The following SPAG16 variants were observed in gnomAD, a reference collection of about 807,000 sequenced individuals.
SPAG16 encodes sperm-associated antigen 16 protein.
Under a neutral mutation model 80.4 loss-of-function variants are expected in SPAG16, and 86 were observed. That is an observed-to-expected ratio of 1.07 (90% CI 0.90 to 1.28). The LOEUF (loss-of-function observed/expected upper bound fraction) is 1.28. Among genes scored for constraint, SPAG16 ranks in the 50% most tolerant of loss-of-function variants. The pLI is 0.00. For synonymous variants in SPAG16, 294 were observed against 265.9 expected, an observed-to-expected ratio of 1.11 and a Z score of -1.03; for missense variants, 870 against 765.3, an observed-to-expected ratio of 1.14 and a Z score of -1.61.
At chr2:213,843,677 C>T (rs963140627) in intron 10 of SPAG16, among the ~76,000 whole-genome samples, 2 of 151,542 alleles carry the variant, frequency 1.3e-5, no homozygotes, top group East Asian at 1.9e-4. Context: ...ATGGTGCAAA[C>T]GCGTCTCTAC....
chr2:213,700,041 T>A (rs2065337032), intron 10 of SPAG16, among the ~76,000 whole-genome samples: 1 of 152,234 alleles, frequency 6.6e-6, no homozygotes, highest in African/African-American at 2.4e-5. Flanking sequence ...TATCTATCTG[T>A]CATGATTACA....
At chr2:214,371,366 C>T (rs543603645) in intron 15 of SPAG16, among the ~76,000 whole-genome samples, 6 of 151,834 alleles carry the variant, frequency 4.0e-5, no homozygotes, top group African/African-American at 1.4e-4. Context: ...AATCCCATCT[C>T]TACTAAAAAT....
chr2:214,261,428 T>A (rs906913913), intron 15 of SPAG16, among the ~76,000 whole-genome samples: 1 of 152,174 alleles, frequency 6.6e-6, no homozygotes, highest in Non-Finnish European at 1.5e-5. Flanking sequence ...AAACTGTTTA[T>A]ACTCTTAGTC....
chr2:214,305,414 T>G lies in SPAG16; in HGVS notation c.1721-104726T>G, dbSNP rs1474322695. ...GTCAACTTTTTCATTTTGTTGCAAT[T>G]GCTTTTGGTGTCTTCATCATGAAAT... On this transcript the variant is annotated intron_variant, in intron 15 of 15. Transcript: ENST00000331683. Among the ~76,000 whole-genome samples, 3 of 152,222 alleles carry G rather than the reference T, an allele frequency of 2.0e-5. No individual in the cohort carries two copies. The East Asian group carries it at 5.8e-4, about 29-fold the overall frequency.
Position 213,844,382 on chromosome 2 carries a change from G to A in SPAG16, c.1071-18103G>A, listed in dbSNP as rs944447603. Among the ~76,000 whole-genome samples the A allele has an allele frequency of 4.1e-4, 63 of 152,252 alleles. 1 individual carries two copies. The highest frequency in any genetic ancestry group is 1.4e-3 in the African/African-American group (60 of 41,542). On this transcript the variant is annotated intron_variant, in intron 10 of 15. Transcript: ENST00000331683. ...AAAAGGGACTATAATTGATAGAAAG[G>A]AAGAAAAACAGTGATTTCGGTTATC...
intron 5 of SPAG16, among the ~76,000 whole-genome samples, chr2:213,339,577 GTAT>G (rs1051249350): frequency 2.6e-5 from 4 of 152,098 alleles, no homozygotes; most frequent in Non-Finnish European, 5.9e-5. Context: ...AAATTTTTCT[GTAT>G]TACAGCACTG....
intron 10 of SPAG16, among the ~76,000 whole-genome samples, chr2:213,677,642 G>T (rs12694309): frequency 0.32 from 48,121 of 151,832 alleles, 7,870 homozygotes; most frequent in Middle Eastern, 0.41. Context: ...TCTACAAAGA[G>T]AATTAGACTC....
intron 15 of SPAG16, among the ~76,000 whole-genome samples, chr2:214,284,767 C>T (rs901889026): frequency 6.6e-6 from 1 of 151,598 alleles, no homozygotes; most frequent in Non-Finnish European, 1.5e-5. Context: ...ATCCAATAAA[C>T]TCATTTTTAA....
chr2:213,892,958 A>G (rs918340272), intron 11 of SPAG16, among the ~76,000 whole-genome samples: 1 of 152,184 alleles, frequency 6.6e-6, no homozygotes, highest in East Asian at 1.9e-4. Flanking sequence ...CCAAGCACAC[A>G]TAGGCGAACA....
At chr2:213,976,236 G>T (rs972880295) in intron 12 of SPAG16, among the ~76,000 whole-genome samples, 2 of 149,482 alleles carry the variant, frequency 1.3e-5, no homozygotes, top group Non-Finnish European at 3.0e-5. Context: ...ATATATACAC[G>T]TGTGTATACA....
chr2:214,178,011 A>ATT (rs1553520016), intron 15 of SPAG16, among the ~76,000 whole-genome samples: 6 of 45,854 alleles, frequency 1.3e-4, no homozygotes, highest in African/African-American at 2.6e-4. Context: ...ATATATATAT[A>ATT]TTCATACTTT....
intron 10 of SPAG16, among the ~76,000 whole-genome samples, chr2:213,567,479 G>T (rs1198778193): frequency 1.7e-5 from 2 of 114,810 alleles, no homozygotes; most frequent in South Asian, 3.1e-4. Context: ...GAGAATATGC[G>T]GTGTTTGGTT....
At position 213,893,601 on chromosome 2, in the gene SPAG16, A is replaced by G. The variant is rs771991472; in HGVS notation, c.1214+30973A>G. 1.2e-4 allele frequency among the ~76,000 whole-genome samples: 18 copies of G among 152,148 alleles called. 1 individual carries two copies. The highest frequency in any genetic ancestry group is 7.4e-5 in the Non-Finnish European group (5 of 68,002). ...TGTGTGTTGTGGGGATGGAGTTAAAATGCAGATTTTTCCTGTTTTTTTTCT... is the reference window on the plus strand; with the variant it reads ...TGTGTGTTGTGGGGATGGAGTTAAAGTGCAGATTTTTCCTGTTTTTTTTCT... On this transcript the variant is annotated intron_variant, in intron 11 of 15. Transcript: ENST00000331683.
At chr2:214,241,158 G>C (rs1178811681) in intron 15 of SPAG16, 1 of 152,056 alleles carries the variant, frequency 6.6e-6, no homozygotes, top group African/African-American at 2.4e-5. Context: ...TTCAAAACCA[G>C]CATGGGCAAC....
intron 10 of SPAG16, among the ~76,000 whole-genome samples, chr2:213,547,064 G>A (rs2076635510): frequency 6.6e-6 from 1 of 152,054 alleles, no homozygotes; most frequent in African/African-American, 2.4e-5. Context: ...GTATTTTATT[G>A]TGGATCTCCC....
At chr2:213,473,049 G>A (rs376642141) in intron 9 of SPAG16, among the ~76,000 whole-genome samples, 1 of 152,078 alleles carries the variant, frequency 6.6e-6, no homozygotes, top group South Asian at 2.1e-4. Context: ...TTCACTGAGG[G>A]GCCATGATTC....
chr2:214,177,270 C>T (rs1265332898), intron 15 of SPAG16, among the ~76,000 whole-genome samples: 2 of 151,112 alleles, frequency 1.3e-5, no homozygotes, highest in African/African-American at 2.4e-5. Flanking sequence ...ACTTCTTTTT[C>T]TTAACATATG....
At chr2:213,975,268 C>T (rs1003839268) in intron 12 of SPAG16, among the ~76,000 whole-genome samples, 2 of 150,586 alleles carry the variant, frequency 1.3e-5, no homozygotes, top group African/African-American at 2.4e-5. Flanking sequence ...ATATTTACAA[C>T]GTGAAAAAGT....
chr2:213,643,364 A>G (rs1378995175), intron 10 of SPAG16, among the ~76,000 whole-genome samples: 2 of 18,394 alleles, frequency 1.1e-4, no homozygotes, highest in African/African-American at 3.0e-4. Flanking sequence ...ATATATATAT[A>G]TATATATATA....
Sources: gnomAD v4.1 joint callset for allele counts (sites outside exome capture counted in the v4.1 genomes callset) on GRCh38, gnomAD v4.1.1 for gene constraint, MANE v1.5 for transcripts, NCBI Gene and HGNC (gene_info 2026-07-23, HGNC 2026-07-21) for gene names.